The following PPM1L variants were observed in gnomAD, a reference collection of about 807,000 sequenced individuals.
PPM1L encodes protein phosphatase 1L.
A neutral mutation model predicts 31.4 loss-of-function variants in PPM1L; 13 were observed. That is an observed-to-expected ratio of 0.41 (90% CI 0.27 to 0.66). The LOEUF is 0.66. Ranked by LOEUF, PPM1L falls within the 30% of genes least tolerant of loss-of-function variation. PPM1L has a pLI of 0.29. For missense variants in PPM1L, 326 were observed against 453.7 expected (o/e 0.72, Z 2.56); for synonymous variants, 184 against 175.4 (o/e 1.05, Z -0.39).
chr3:160,911,101 T>A lies in PPM1L; in HGVS notation c.400-50635T>A, dbSNP rs1713955439. On this transcript the variant is annotated intron_variant, in intron 1 of 3. Coordinates refer to ENST00000498165, the MANE Select transcript of PPM1L (RefSeq NM_139245.4). ...ATGCTTTGGGTATCAGGGATATGCA[T>A]AGCTTCATAAATAACTGGGATTTTC... Among the ~76,000 whole-genome samples the A allele has an allele frequency of 2.0e-5, 3 of 152,212 alleles. No homozygotes were observed. The South Asian group carries it at 6.2e-4, about 31-fold the overall frequency.
At chr3:160,773,948 G>C (rs6441332) in intron 1 of PPM1L, among the ~76,000 whole-genome samples, 3,966 of 152,110 alleles carry the variant, frequency 0.026, 174 homozygotes, top group African/African-American at 0.087. Context: ...TTTCAAGAAG[G>C]GCTGTGCTCA....
At chr3:161,057,862 G>A (rs1719457525) in intron 2 of PPM1L, among the ~76,000 whole-genome samples, 1 of 151,798 alleles carries the variant, frequency 6.6e-6, no homozygotes, top group Non-Finnish European at 1.5e-5. Context: ...GCCAGAAAAT[G>A]TTTTAGAACC....
At chr3:160,795,328 G>T (rs1276928030) in intron 1 of PPM1L, among the ~76,000 whole-genome samples, 4 of 152,182 alleles carry the variant, frequency 2.6e-5, no homozygotes, top group Non-Finnish European at 5.9e-5. Context: ...CTGGATATTT[G>T]TTTATTGTCG....
chr3:160,804,078 C>G (rs1312637929), intron 1 of PPM1L, among the ~76,000 whole-genome samples: 1 of 151,576 alleles, frequency 6.6e-6, no homozygotes, highest in Non-Finnish European at 1.5e-5. Flanking sequence ...CCACCACGCC[C>G]AGCTAATTTT....
intron 1 of PPM1L, among the ~76,000 whole-genome samples, chr3:160,886,985 A>G (rs1712938177): frequency 6.6e-6 from 1 of 152,100 alleles, no homozygotes; most frequent in East Asian, 1.9e-4. Context: ...GGAGCTGCTA[A>G]CTAGAATAAC....
rs9812391 is a variant in PPM1L, at chr3:160,764,255, A to T, written c.399+7548A>T. Among the ~76,000 whole-genome samples, 1,198 of 152,186 alleles carry T rather than the reference A, an allele frequency of 7.9e-3. 5 individuals are homozygous for T. Among genetic ancestry groups the T allele is most frequent in the Middle Eastern group, 0.051 (15 of 294 alleles). The stretch of plus-strand genomic sequence containing the variant: ...CAGATGATCTTCCTGCCTCAGCCTC[A>T]TGAATAGCTGGGACTATAGGCATGT... On this transcript the variant is annotated intron_variant, in intron 1 of 3. Coordinates refer to ENST00000498165, the MANE Select transcript of PPM1L (RefSeq NM_139245.4).
chr3:160,903,208 T>TGTGTG (rs1553819694), intron 1 of PPM1L, among the ~76,000 whole-genome samples: 19 of 120,094 alleles, frequency 1.6e-4, no homozygotes, highest in Non-Finnish European at 2.4e-4. Context: ...GTGTGTATGT[T>TGTGTG]TGTGTGTGTG....
intron 2 of PPM1L, among the ~76,000 whole-genome samples, chr3:161,033,641 G>A (rs1194240747): frequency 6.6e-6 from 1 of 152,176 alleles, no homozygotes; most frequent in African/African-American, 2.4e-5. Flanking sequence ...CTAGCTATAT[G>A]TAGAAAACCG....
intron 2 of PPM1L, among the ~76,000 whole-genome samples, chr3:161,010,932 G>C (rs551714832): frequency 2.6e-5 from 4 of 152,182 alleles, no homozygotes; most frequent in Non-Finnish European, 5.9e-5. Flanking sequence ...TGACACATGA[G>C]TAGATTGCAA....
At chr3:160,914,254 CTG>C (rs1311609015) in intron 1 of PPM1L, among the ~76,000 whole-genome samples, 1 of 151,878 alleles carries the variant, frequency 6.6e-6, no homozygotes, top group Non-Finnish European at 1.5e-5. Flanking sequence ...ATTTTTTTTA[CTG>C]TGTTATTTGA....
chr3:161,030,263 G>A (rs367801032), intron 2 of PPM1L, among the ~76,000 whole-genome samples: 6 of 152,130 alleles, frequency 3.9e-5, no homozygotes, highest in African/African-American at 7.2e-5. Flanking sequence ...GAGTGCCCTC[G>A]TGCCTTTTGC....
At chr3:160,871,569 A>G (rs1712307960) in intron 1 of PPM1L, among the ~76,000 whole-genome samples, 1 of 152,232 alleles carries the variant, frequency 6.6e-6, no homozygotes, top group Non-Finnish European at 1.5e-5. Context: ...TATGCCAATA[A>G]TTCTACCATC....
chr3:160,843,622 C>G (rs1195135306), intron 1 of PPM1L, among the ~76,000 whole-genome samples: 2 of 151,716 alleles, frequency 1.3e-5, no homozygotes, highest in East Asian at 1.9e-4. Flanking sequence ...CCCTCTCCCC[C>G]CACACCACAA....
intron 1 of PPM1L, among the ~76,000 whole-genome samples, chr3:160,869,328 A>G (rs1167212145): frequency 6.6e-6 from 1 of 152,166 alleles, no homozygotes; most frequent in Non-Finnish European, 1.5e-5. Context: ...AACTATTTAG[A>G]TATAAAATTT....
At chr3:160,884,772 G>A (rs1712850190) in intron 1 of PPM1L, among the ~76,000 whole-genome samples, 1 of 152,132 alleles carries the variant, frequency 6.6e-6, no homozygotes, top group Non-Finnish European at 1.5e-5. Context: ...GGAAAGCTTA[G>A]TAGATGAATA....
chr3:160,892,741 C>T (rs933322791), intron 1 of PPM1L, among the ~76,000 whole-genome samples: 2 of 152,086 alleles, frequency 1.3e-5, no homozygotes, highest in East Asian at 1.9e-4. Context: ...TATTACTTCT[C>T]ACTACACATT....
At chr3:160,957,734 G>A (rs1048076262) in intron 1 of PPM1L, among the ~76,000 whole-genome samples, 2 of 151,910 alleles carry the variant, frequency 1.3e-5, no homozygotes, top group African/African-American at 4.8e-5. Context: ...CCGTCACCAC[G>A]CCTGGCTAAT....
At chr3:160,986,242 A>G (rs1162063808) in intron 2 of PPM1L, among the ~76,000 whole-genome samples, 1 of 152,138 alleles carries the variant, frequency 6.6e-6, no homozygotes, top group Non-Finnish European at 1.5e-5. Context: ...CACTTTTGCT[A>G]CCCATGCCCA....
At chr3:160,960,451 T>C (rs886331841) in intron 1 of PPM1L, among the ~76,000 whole-genome samples, 1 of 152,102 alleles carries the variant, frequency 6.6e-6, no homozygotes, top group Non-Finnish European at 1.5e-5. Flanking sequence ...AACAGAACAC[T>C]ATGGGTTTTT....
Sources: gnomAD v4.1 joint callset for allele counts (sites outside exome capture counted in the v4.1 genomes callset) on GRCh38, gnomAD v4.1.1 for gene constraint, MANE v1.5 for transcripts, NCBI Gene and HGNC (gene_info 2026-07-23, HGNC 2026-07-21) for gene names.